Variants in BCKDHB observed in about 807,000 individuals in gnomAD.
The protein encoded by BCKDHB is branched chain keto acid dehydrogenase E1 subunit beta.
Under a neutral mutation model 48.5 loss-of-function variants are expected in BCKDHB, and 41 were observed. The ratio of observed to expected loss-of-function variants is 0.85; its 90% confidence interval spans 0.66 to 1.10. The LOEUF (loss-of-function observed/expected upper bound fraction) is 1.10, where lower values mean the gene tolerates loss of function less well. Among genes scored for constraint, BCKDHB ranks in the 50% least tolerant of loss-of-function variants. BCKDHB has a pLI of 0.00. For synonymous variants in BCKDHB, 201 were observed against 174.8 expected, an observed-to-expected ratio of 1.15 and a Z score of -1.18; for missense variants, 496 against 494.2, an observed-to-expected ratio of 1.00 and a Z score of -0.03.
chr6:80,168,502 G>C (rs1772697190), intron 4 of BCKDHB, among the ~76,000 whole-genome samples: 2 of 139,046 alleles, frequency 1.4e-5, no homozygotes, highest in South Asian at 5.0e-4. Context: ...AAGGAAAGGA[G>C]GGAGGGAAAA....
At chr6:80,268,133 GC>G (rs1272795528) in intron 8 of BCKDHB, among the ~76,000 whole-genome samples, 1 of 151,948 alleles carries the variant, frequency 6.6e-6, no homozygotes, top group Admixed American at 6.6e-5. Context: ...AAATTACTAG[GC>G]ATATATTAAT....
At chr6:80,383,878 A>G in the BCKDHB span, among the ~76,000 whole-genome samples, 2 of 152,134 alleles carry the variant, frequency 1.3e-5, no homozygotes, top group African/African-American at 4.8e-5. Context: ...CTATCTTATA[A>G]TTATTTTTCT....
Position 80,149,028 on chromosome 6 carries a change from C to G in BCKDHB, c.344-18650C>G, listed in dbSNP as rs1015063010. On this transcript the variant is annotated intron_variant, in intron 3 of 9. Coordinates refer to ENST00000320393, the MANE Select transcript of BCKDHB (RefSeq NM_183050.4). The stretch of plus-strand genomic sequence containing the variant: ...CAAAAGAAACTACCATCAGAGTGAA[C>G]AGGCAACCTACAAAATGGGAGAAAA... Among the ~76,000 whole-genome samples, 4 of 152,242 alleles carry G rather than the reference C, an allele frequency of 2.6e-5. No homozygotes were observed. The South Asian group carries it at 8.3e-4, about 32-fold the overall frequency.
At chr6:80,388,326 G>GC in the BCKDHB span, among the ~76,000 whole-genome samples, 318 of 152,224 alleles carry the variant, frequency 2.1e-3, no homozygotes, top group Admixed American at 3.7e-3. Context: ...CCTTTGGCAG[G>GC]CCTCCATAGG....
intron 8 of BCKDHB, among the ~76,000 whole-genome samples, chr6:80,219,559 C>G (rs545661663): frequency 6.6e-6 from 1 of 152,250 alleles, no homozygotes; most frequent in South Asian, 2.1e-4. Flanking sequence ...TTCTCTATAC[C>G]TGCTGCACAA....
rs771342529 is a variant in BCKDHB at position 80,203,081 on chromosome 6, A to G, written c.841-21A>G. On this transcript the variant is annotated intron_variant, in intron 7 of 9. Transcript: ENST00000320393. ...TAGAACCTTTGTAGTCATTCTCTGCATATTTTTCTCTTTATTTCAGGTTCA... is the reference window on the plus strand; with the variant it reads ...TAGAACCTTTGTAGTCATTCTCTGCGTATTTTTCTCTTTATTTCAGGTTCA... The G allele has an allele frequency of 2.1e-5, 32 of 1,532,062 alleles. No individual in the cohort carries two copies. The South Asian group carries it at 3.1e-4, about 15-fold the overall frequency. The allele number at this position is 1,532,062 out of a possible 1,614,324, so 94.9% of individuals were successfully genotyped here. A position where few individuals can be genotyped will look rare whatever the true frequency, so the allele number is the denominator to read the frequency against.
At chr6:80,448,923 C>G in the BCKDHB span, among the ~76,000 whole-genome samples, 1 of 152,078 alleles carries the variant, frequency 6.6e-6, no homozygotes, top group Non-Finnish European at 1.5e-5. Flanking sequence ...CACATGTACC[C>G]CCTGAATTTA....
intron 9 of BCKDHB, among the ~76,000 whole-genome samples, chr6:80,305,420 T>A (rs1767814174): frequency 1.3e-5 from 2 of 151,286 alleles, no homozygotes; most frequent in Non-Finnish European, 2.9e-5. Flanking sequence ...TTTGAAAAAT[T>A]ATGACTTAAT....
chr6:80,465,619 C>T, the BCKDHB span: 2 of 152,166 alleles, frequency 1.3e-5, no homozygotes, highest in Admixed American at 6.5e-5. Flanking sequence ...TCCCTCCTTC[C>T]ACCCGTAGGC....
chr6:80,429,925 G>A, the BCKDHB span, among the ~76,000 whole-genome samples: 2 of 152,162 alleles, frequency 1.3e-5, no homozygotes, highest in African/African-American at 2.4e-5. Context: ...TTGAGAGAGG[G>A]CATCCTTGTC....
chr6:80,133,795 A>G (rs763881397), intron 3 of BCKDHB, among the ~76,000 whole-genome samples: 7 of 151,982 alleles, frequency 4.6e-5, no homozygotes, highest in African/African-American at 7.3e-5. Flanking sequence ...GGTGCCCACC[A>G]CCACACCTGG....
chr6:80,106,888 C>A lies in BCKDHB; in HGVS notation c.195C>A (p.Tyr65Ter). The A allele has an allele frequency of 6.2e-7, 1 of 1,603,690 alleles. No homozygotes were observed. The highest frequency in any genetic ancestry group is 1.1e-5 in the South Asian group (1 of 89,496). ...AGCCAGATCCGGAGCCCCGGGAGTA[C>A]GGTGAGCCCTGGGACTGCCCACTCG... ...TFQPDPEPRE[Y>*]GQTQKMNLFQ... The change falls in exon 1 of 10, where the codon TAC becomes TAA. Residue 65 changes from tyrosine to a stop codon, truncating the protein, a stop_gained and splice_region_variant. Transcript: ENST00000320393. LOFTEE classifies it high-confidence loss of function.
intron 1 of BCKDHB, among the ~76,000 whole-genome samples, chr6:80,119,954 T>C (rs1409453189): frequency 6.6e-6 from 1 of 152,140 alleles, no homozygotes; most frequent in East Asian, 1.9e-4. Context: ...GTTGTTTTGC[T>C]GCACCCATCG....
At chr6:80,374,123 G>C in the BCKDHB span, 1 of 708,132 alleles carries the variant, frequency 1.4e-6, no homozygotes. Context: ...TTTCAGTAAG[G>C]CTCATCTCAA....
the BCKDHB span, among the ~76,000 whole-genome samples, chr6:80,454,892 T>C: frequency 6.6e-6 from 1 of 152,214 alleles, no homozygotes; most frequent in Non-Finnish European, 1.5e-5. Flanking sequence ...GTTTGAACTT[T>C]CCCGCCCATA....
chr6:80,195,344 C>G (rs1359343268), intron 6 of BCKDHB, among the ~76,000 whole-genome samples: 1 of 152,032 alleles, frequency 6.6e-6, no homozygotes, highest in Non-Finnish European at 1.5e-5. Flanking sequence ...AGAAAGTGCA[C>G]TTAGTTTTCT....
chr6:80,314,484 A>G (rs936527007), intron 9 of BCKDHB, among the ~76,000 whole-genome samples: 2 of 152,192 alleles, frequency 1.3e-5, no homozygotes, highest in African/African-American at 4.8e-5. Context: ...TGTCTTAGAG[A>G]GAAATTAGAA....
At chr6:80,395,076 A>T in the BCKDHB span, among the ~76,000 whole-genome samples, 1 of 152,202 alleles carries the variant, frequency 6.6e-6, no homozygotes, top group Non-Finnish European at 1.5e-5. Flanking sequence ...ACTTTTCATC[A>T]TAAATTACCC....
the BCKDHB span, among the ~76,000 whole-genome samples, chr6:80,435,374 G>A: frequency 1.3e-5 from 2 of 152,210 alleles, no homozygotes; most frequent in African/African-American, 4.8e-5. Context: ...AGACAATCCA[G>A]GACCAAATCA....
Sources: allele counts gnomAD v4.1 joint callset (sites outside exome capture counted in the v4.1 genomes callset), GRCh38; gene constraint gnomAD v4.1.1; transcripts MANE v1.5; gene names NCBI Gene and HGNC (gene_info 2026-07-23, HGNC 2026-07-21).